Variants in CIT observed in about 807,000 individuals in gnomAD.
The protein encoded by CIT is citron Rho-interacting kinase.
In CIT, 79 loss-of-function variants were observed where a neutral mutation model predicts 272.7. That is an observed-to-expected ratio of 0.29 (90% CI 0.24 to 0.35). CIT has a LOEUF of 0.35. CIT is among the 10% of genes least tolerant of loss of function. The pLI is 1.00. For synonymous variants in CIT, 948 were observed against 995.6 expected (o/e 0.95, Z 0.90); for missense variants, 1,909 against 2,618.3 (o/e 0.73, Z 5.91).
intron 9 of CIT, among the ~76,000 whole-genome samples, chr12:119,816,273 A>G (rs1483503937): frequency 1.3e-5 from 2 of 152,168 alleles, no homozygotes; most frequent in Admixed American, 6.6e-5. Context: ...TGCTATCAGA[A>G]GGCAGAGATT....
chr12:119,803,424 G>T, intron 9 of CIT, 35 bp from the exon 10 acceptor site: 1 of 1,474,478 alleles, frequency 6.8e-7, no homozygotes, highest in Non-Finnish European at 9.1e-7. Flanking sequence ...AGGCGGGGAG[G>T]AAAAAAAATT....
intron 9 of CIT, among the ~76,000 whole-genome samples, chr12:119,818,933 T>C (rs1198105120): frequency 6.6e-6 from 1 of 152,064 alleles, no homozygotes; most frequent in Non-Finnish European, 1.5e-5. Flanking sequence ...AACTTTCCCA[T>C]GGATGGGAGC....
intron 3 of CIT, among the ~76,000 whole-genome samples, chr12:119,861,431 C>CA (rs1950334084): frequency 1.3e-5 from 2 of 151,972 alleles, no homozygotes; most frequent in African/African-American, 4.8e-5. Context: ...ACTAAAAATA[C>CA]AAAAAATTAG....
intron 13 of CIT, 160 bp downstream of exon 13, chr12:119,782,358 T>C (rs1210398935): frequency 2.9e-6 from 2 of 688,982 alleles, no homozygotes; most frequent in Non-Finnish European, 4.8e-6. Context: ...ATGAGAAATC[T>C]GAAGTTTCTG....
Position 119,712,103 on chromosome 12 carries a change from T to C in CIT, c.4854+75A>G. The C allele has an allele frequency of 7.1e-7, 1 of 1,411,166 alleles. No homozygotes were observed. Among genetic ancestry groups the C allele is most frequent in the Middle Eastern group, 2.3e-4 (1 of 4,316 alleles). 87.4% of individuals were successfully genotyped at this position (1,411,166 alleles called of 1,614,324 possible). ...AGGGGAATCAAAATGGCCAATGGGA[T>C]TCTCGTCGTTAACACCAGTTACCAA... is the stretch of plus-strand genomic sequence containing the variant. On this transcript the variant is annotated intron_variant, in intron 37 of 47. Coordinates refer to ENST00000392521, the MANE Select transcript of CIT (RefSeq NM_001206999.2). The surrounding 1 kb of genome is among the most constrained non-coding windows in gnomAD (Gnocchi z 5.2).
Position 119,757,223 on chromosome 12 carries a change from C to T in CIT, c.2706+148G>A, listed in dbSNP as rs550939561. ...GAATTGGCCTTAGGTTCCTTGCCTC[C>T]AGACCCTTTTCTCCTGCCTCAAGTC... On this transcript the variant is annotated intron_variant, in intron 22 of 47. Transcript: ENST00000392521. 9.8e-6 allele frequency: 10 copies of T among 1,023,724 alleles called. No homozygotes were observed. In the Admixed American group the frequency reaches 1.1e-4, roughly 12 times the overall value. The allele number at this position is 1,023,724 out of a possible 1,614,324, so 63.4% of individuals were successfully genotyped here.
intron 4 of CIT, among the ~76,000 whole-genome samples, chr12:119,855,434 A>T (rs1333735004): frequency 1.3e-5 from 2 of 152,018 alleles, no homozygotes; most frequent in Non-Finnish European, 2.9e-5. Context: ...AAATAAATAA[A>T]TAAATAAATA....
chr12:119,709,405 G>T (rs544062436), intron 39 of CIT, among the ~76,000 whole-genome samples: 1 of 151,936 alleles, frequency 6.6e-6, no homozygotes, highest in South Asian at 2.1e-4. Flanking sequence ...GAGAACGGGG[G>T]TATATGGGAA....
intron 2 of CIT, among the ~76,000 whole-genome samples, chr12:119,871,242 A>G (rs1482390853): frequency 9.2e-5 from 14 of 152,138 alleles, no homozygotes. Flanking sequence ...TTCCAGTCCC[A>G]GACATAATCC....
chr12:119,782,410 CTT>C, intron 13 of CIT, 106 bp downstream of exon 13: 2 of 1,328,808 alleles, frequency 1.5e-6, no homozygotes, highest in Admixed American at 3.9e-5. Flanking sequence ...TGCCCCCACC[CTT>C]TCTCTCTCTC....
intron 9 of CIT, among the ~76,000 whole-genome samples, chr12:119,808,615 A>C (rs1300548141): frequency 6.6e-6 from 1 of 152,172 alleles, no homozygotes; most frequent in Admixed American, 6.5e-5. Context: ...AAGAGCCAGC[A>C]CTGTGTCATA....
At chr12:119,833,663 CAAAAAAA>C (rs35433156) in intron 6 of CIT, among the ~76,000 whole-genome samples, 13 of 83,812 alleles carry the variant, frequency 1.6e-4, no homozygotes, top group Non-Finnish European at 2.1e-4. Flanking sequence ...GACTCTGTCT[CAAAAAAA>C]AAAAAAAAAA....
chr12:119,779,239 T>A lies in CIT; in HGVS notation c.1666-2397A>T, dbSNP rs377671488. Reference sequence around the variant, plus strand: ...TATCTCAAATTAATTAATTAATTAATTAATTCACAGGCCAGAACATGAGCT... The same window carrying A: ...TATCTCAAATTAATTAATTAATTAAATAATTCACAGGCCAGAACATGAGCT... On this transcript the variant is annotated intron_variant, in intron 13 of 47. Transcript: ENST00000392521. Among the ~76,000 whole-genome samples, 7 of 152,044 alleles carry A rather than the reference T, an allele frequency of 4.6e-5. No individual in the cohort carries two copies. The East Asian group carries it at 7.7e-4, about 17-fold the overall frequency.
At chr12:119,705,095 T>C (rs1168797891) in intron 40 of CIT, among the ~76,000 whole-genome samples, 1 of 152,060 alleles carries the variant, frequency 6.6e-6, no homozygotes, top group African/African-American at 2.4e-5. Context: ...GTATTTTAAG[T>C]ACAGATGGGG....
rs760202803 is a variant in CIT, at chr12:119,734,295, G to A, written c.3219C>T (p.Ala1073=). 1 of 1,613,772 alleles carries A rather than the reference G, an allele frequency of 6.2e-7. No homozygotes were observed. The highest frequency in any genetic ancestry group is 1.7e-5 in the Admixed American group (1 of 60,000). ...CTTTTTCTAGCAGCTCATCGTTTAG[G>A]GCCTCCAAATCCATGACCTGTTCCT... is the stretch of plus-strand genomic sequence containing the variant. ...MLEEQVMDLE[A]LNDELLEKER... Residue 1073 remains alanine, a synonymous_variant, in exon 26 of 48, where the codon GCC becomes GCT. Transcript: ENST00000392521.
Position 119,772,829 on chromosome 12 carries a change from T to C in CIT, c.2023A>G (p.Lys675Glu), listed in dbSNP as rs1566020692. Residue 675 changes from lysine (K) to glutamate (E), a missense_variant, in exon 17 of 48, where the codon AAG becomes GAG. Around this residue, in one of 8 missense-constraint regions of CIT, gnomAD observed 530 missense variants for 822.4 expected, o/e 0.64. Coordinates refer to ENST00000392521, the MANE Select transcript of CIT (RefSeq NM_001206999.2). Reference protein sequence around the residue: ...AKERAERELEKLQNREDSSEG... With the variant: ...AKERAERELEELQNREDSSEG... ...GAAGAATCCTCTCGGTTCTGCAGCT[T>C]CTCCAGCTCCCTCTCGGCTCGCTCC... 1.9e-6 allele frequency: 3 copies of C among 1,614,092 alleles called. No individual in the cohort carries two copies. Among genetic ancestry groups the C allele is most frequent in the Admixed American group, 1.7e-5 (1 of 60,008 alleles).
At chr12:119,819,081 G>A (rs751725437) in intron 9 of CIT, among the ~76,000 whole-genome samples, 11 of 152,238 alleles carry the variant, frequency 7.2e-5, no homozygotes, top group Non-Finnish European at 1.5e-4. Context: ...AAACATCGCC[G>A]GAACTGCACA....
At chr12:119,847,349 T>G (rs1969885304) in intron 5 of CIT, among the ~76,000 whole-genome samples, 2 of 152,116 alleles carry the variant, frequency 1.3e-5, no homozygotes, top group Non-Finnish European at 2.9e-5. Flanking sequence ...ACCCCAGCAC[T>G]TTGGGAGGCC....
intron 10 of CIT, among the ~76,000 whole-genome samples, chr12:119,800,146 C>G (rs1320783335): frequency 6.6e-6 from 1 of 152,062 alleles, no homozygotes; most frequent in African/African-American, 2.4e-5. Context: ...TTGTCAAGTT[C>G]AAGCAAAGAA....
Sources: allele counts gnomAD v4.1 joint callset (sites outside exome capture counted in the v4.1 genomes callset), GRCh38; gene constraint gnomAD v4.1.1; regional missense constraint gnomAD v4.1.1; non-coding constraint Gnocchi (gnomAD v3.1); transcripts MANE v1.5; gene names NCBI Gene and HGNC (gene_info 2026-07-23, HGNC 2026-07-21).